The following GABRB3 variants were observed in gnomAD, a reference collection of about 807,000 sequenced individuals.
The protein encoded by GABRB3 is gamma-aminobutyric acid receptor subunit beta-3.
GABRB3 carries 14 observed loss-of-function variants against 52.1 expected under a neutral mutation model. The ratio of observed to expected loss-of-function variants is 0.27; its 90% CI spans 0.18 to 0.42. The LOEUF is 0.42. Ranked by LOEUF, GABRB3 falls within the 10% of genes least tolerant of loss-of-function variation. The pLI, the probability that GABRB3 is intolerant of heterozygous loss-of-function variation, is 1.00. For missense variants in GABRB3, 307 were observed against 609.1 expected (o/e 0.50, Z 5.22); for synonymous variants, 260 against 232.3 (o/e 1.12, Z -1.08).
chr15:26,579,594 TG>T (rs1242198221), intron 6 of GABRB3, among the ~76,000 whole-genome samples: 1 of 152,216 alleles, frequency 6.6e-6, no homozygotes. Flanking sequence ...CAAGAGTTGG[TG>T]ATCTCTGAAA....
chr15:26,569,360 T>A (rs1890306168), intron 6 of GABRB3: 1 of 152,256 alleles, frequency 6.6e-6, no homozygotes, highest in East Asian at 1.9e-4. Context: ...AGTCTTTGTG[T>A]GTGTCTGTGT....
intron 3 of GABRB3, among the ~76,000 whole-genome samples, chr15:26,645,131 G>T (rs980216982): frequency 6.6e-6 from 1 of 152,180 alleles, no homozygotes; most frequent in African/African-American, 2.4e-5. Flanking sequence ...TAGTCCCAGC[G>T]TTCTAGAGGC....
intron 3 of GABRB3, among the ~76,000 whole-genome samples, chr15:26,707,454 A>G (rs1421413387): frequency 2.0e-5 from 3 of 152,176 alleles, no homozygotes; most frequent in African/African-American, 4.8e-5. Flanking sequence ...TCTAGGATAG[A>G]GTCACTCAGA....
chr15:26,572,573 G>A (rs1166889345), intron 6 of GABRB3, among the ~76,000 whole-genome samples: 4 of 152,148 alleles, frequency 2.6e-5, no homozygotes, highest in East Asian at 1.9e-4. Flanking sequence ...TTGTAGCTCC[G>A]GTAGACAAGG....
At chr15:26,726,050 A>G (rs1889762511) in intron 3 of GABRB3, among the ~76,000 whole-genome samples, 1 of 152,110 alleles carries the variant, frequency 6.6e-6, no homozygotes, top group South Asian at 2.1e-4. Context: ...TATGGGGGAA[A>G]TCTGGGTGTG....
chr15:26,663,981 A>C (rs1010763093), intron 3 of GABRB3, among the ~76,000 whole-genome samples: 1 of 152,248 alleles, frequency 6.6e-6, no homozygotes, highest in African/African-American at 2.4e-5. Flanking sequence ...CAAAATTTAA[A>C]AACTTGTCCT....
chr15:26,544,379 C>T lies in GABRB3; in HGVS notation c.*3414G>A, dbSNP rs1176457862. On this transcript the variant is annotated 3_prime_UTR_variant, in exon 9 of 9. Coordinates refer to ENST00000311550, the MANE Select transcript of GABRB3 (RefSeq NM_000814.6). ...ATGATCTCCTCAGTAAAAATGTCAA[C>T]GCTGTGTTTGGACAAGAGAGAAGTG... The T allele has an allele frequency of 2.0e-5, 3 of 152,672 alleles. No homozygotes were observed. The highest frequency in any genetic ancestry group is 2.9e-5 in the Non-Finnish European group (2 of 68,030). The allele number at this position is 152,672 out of a possible 1,614,324, so 9.5% of individuals were successfully genotyped here.
intron 3 of GABRB3, among the ~76,000 whole-genome samples, chr15:26,733,592 A>T (rs555249343): frequency 6.6e-6 from 1 of 152,346 alleles, no homozygotes; most frequent in South Asian, 2.1e-4. Context: ...ATTAAATACA[A>T]TTCTAAAACC....
chr15:26,689,404 T>C (rs563906460), intron 3 of GABRB3, among the ~76,000 whole-genome samples: 2 of 152,312 alleles, frequency 1.3e-5, no homozygotes, highest in Admixed American at 1.3e-4. Context: ...CACCACAGGC[T>C]GGAAACAGAC....
At chr15:26,594,533 A>C (rs189213087) in intron 4 of GABRB3, among the ~76,000 whole-genome samples, 1 of 152,134 alleles carries the variant, frequency 6.6e-6, no homozygotes, top group Non-Finnish European at 1.5e-5. Context: ...ATCCCACTCT[A>C]TTGCCTAGGC....
intron 4 of GABRB3, among the ~76,000 whole-genome samples, chr15:26,609,877 T>G (rs1892002694): frequency 6.6e-6 from 1 of 152,158 alleles, no homozygotes; most frequent in African/African-American, 2.4e-5. Context: ...GACCCAATTG[T>G]CCCATAGAAC....
rs1451432061 is a variant in GABRB3, at chr15:26,621,166, T to C, written c.461+148A>G. 10 of 609,582 alleles carry C rather than the reference T, an allele frequency of 1.6e-5. No individual in the cohort carries two copies. Among genetic ancestry groups the C allele is most frequent in the Non-Finnish European group, 1.9e-5 (7 of 370,642 alleles). 37.8% of individuals were successfully genotyped at this position (609,582 alleles called of 1,614,324 possible). Reference sequence around the variant, plus strand: ...TGCCCCAAATTTTATGGTTATGAGATTTTTTTTTCTGCAAAGCTTTAGTGC... The same window carrying C: ...TGCCCCAAATTTTATGGTTATGAGACTTTTTTTTCTGCAAAGCTTTAGTGC... On this transcript the variant is annotated intron_variant, in intron 4 of 8. Transcript: ENST00000311550. The surrounding 1 kb of genome is among the most constrained non-coding windows in gnomAD (Gnocchi z 4.1).
chr15:26,674,087 TG>T (rs1887983279), intron 3 of GABRB3, among the ~76,000 whole-genome samples: 1 of 150,830 alleles, frequency 6.6e-6, no homozygotes, highest in Non-Finnish European at 1.5e-5. Context: ...TAGTATTTCC[TG>T]AGATGGTGTT....
At chr15:26,651,003 C>A (rs1887180539) in intron 3 of GABRB3, among the ~76,000 whole-genome samples, 1 of 152,186 alleles carries the variant, frequency 6.6e-6, no homozygotes, top group Non-Finnish European at 1.5e-5. Context: ...ACCAACCCAA[C>A]CTCATTCTTC....
chr15:26,572,326 T>C (rs1394989113), intron 6 of GABRB3, among the ~76,000 whole-genome samples: 1 of 152,116 alleles, frequency 6.6e-6, no homozygotes, highest in Non-Finnish European at 1.5e-5. Flanking sequence ...TTAGGAGAGG[T>C]TTCACATTGT....
At chr15:26,635,020 T>TA (rs1893018180) in intron 3 of GABRB3, among the ~76,000 whole-genome samples, 1 of 132,680 alleles carries the variant, frequency 7.5e-6, no homozygotes, top group African/African-American at 2.7e-5. Flanking sequence ...AATATATATA[T>TA]ATTTAGAGAG....
At position 26,761,446 on chromosome 15, in the gene GABRB3, T is replaced by C. The variant is rs780142041; in HGVS notation, c.240+10956A>G. 1.0e-3 allele frequency among the ~76,000 whole-genome samples: 159 copies of C among 152,078 alleles called. 2 individuals carry two copies. The highest frequency in any genetic ancestry group is 2.2e-4 in the Non-Finnish European group (15 of 67,986). On this transcript the variant is annotated intron_variant, in intron 3 of 8. Coordinates refer to ENST00000311550, the MANE Select transcript of GABRB3 (RefSeq NM_000814.6). ...AAGAGAAATTTTAGGGATGACTTCC[T>C]CCAGAGGAGGCCAAATACTTTCATC...
At chr15:26,704,611 T>G (rs28781974) in intron 3 of GABRB3, among the ~76,000 whole-genome samples, 3,492 of 107,346 alleles carry the variant, frequency 0.033, 135 homozygotes, top group African/African-American at 0.098. Flanking sequence ...CATATTTTAC[T>G]GTAAGCATGT....
chr15:26,683,238 T>C (rs1258823027), intron 3 of GABRB3, among the ~76,000 whole-genome samples: 1 of 152,174 alleles, frequency 6.6e-6, no homozygotes, highest in Non-Finnish European at 1.5e-5. Context: ...AGAGAATTGA[T>C]AAAATTAATA....
Sources: gnomAD v4.1 joint callset for allele counts (sites outside exome capture counted in the v4.1 genomes callset) on GRCh38, gnomAD v4.1.1 for gene constraint, Gnocchi (gnomAD v3.1) non-coding constraint, MANE v1.5 for transcripts, NCBI Gene and HGNC (gene_info 2026-07-23, HGNC 2026-07-21) for gene names.